Variants in SDK1 observed in about 807,000 individuals in gnomAD.
SDK1 encodes the protein sidekick cell adhesion molecule 1, also known as protein sidekick-1.
A neutral mutation model predicts 245.5 loss-of-function variants in SDK1; 157 were observed. The ratio of observed to expected loss-of-function variants is 0.64; its 90% confidence interval spans 0.56 to 0.73. SDK1 has a LOEUF of 0.73. Ranked by LOEUF, SDK1 falls within the 30% of genes least tolerant of loss-of-function variation. SDK1 has a pLI of 0.00. For synonymous variants in SDK1, 1,647 were observed against 1,278.5 expected (o/e 1.29, Z -6.15); for missense variants, 3,583 against 3,002.3 (o/e 1.19, Z -4.52).
At chr7:3,665,745 A>C (rs747937590) in intron 4 of SDK1, among the ~76,000 whole-genome samples, 12 of 152,188 alleles carry the variant, frequency 7.9e-5, no homozygotes, top group Non-Finnish European at 1.6e-4. Context: ...TGCCATCTGC[A>C]GTCTTTGTTT....
intron 17 of SDK1, among the ~76,000 whole-genome samples, chr7:4,033,098 C>G (rs2060839392): frequency 6.6e-6 from 1 of 152,126 alleles, no homozygotes; most frequent in Non-Finnish European, 1.5e-5. Flanking sequence ...AATGGTGTGT[C>G]TATTGGTGGA....
chr7:3,620,511 C>G (rs1468295618), intron 2 of SDK1, among the ~76,000 whole-genome samples: 3 of 152,088 alleles, frequency 2.0e-5, no homozygotes, highest in East Asian at 1.9e-4. Context: ...CCATGTTGAC[C>G]AGGCTTGTCT....
intron 1 of SDK1, among the ~76,000 whole-genome samples, chr7:3,390,445 C>A (rs1479237941): frequency 3.3e-5 from 5 of 152,274 alleles, no homozygotes; most frequent in African/African-American, 1.2e-4. Flanking sequence ...CACAATTGAT[C>A]TGGAAGCATC....
At chr7:3,645,941 C>T (rs1408640400) in intron 4 of SDK1, among the ~76,000 whole-genome samples, 1 of 152,030 alleles carries the variant, frequency 6.6e-6, no homozygotes, top group Non-Finnish European at 1.5e-5. Context: ...TCACTGCAAC[C>T]TCTGCCTCCC....
intron 43 of SDK1, 125 bp downstream of exon 43, chr7:4,242,038 A>C: frequency 8.6e-7 from 1 of 1,156,566 alleles, no homozygotes; most frequent in Non-Finnish European, 1.2e-6. Context: ...AACCCAACCC[A>C]CCGCCAAGTG....
chr7:3,921,830 G>T (rs1416979329), intron 5 of SDK1, among the ~76,000 whole-genome samples: 1 of 152,096 alleles, frequency 6.6e-6, no homozygotes, highest in Non-Finnish European at 1.5e-5. Flanking sequence ...GGTGGACATG[G>T]TGGTGCGTGC....
chr7:3,725,775 G>T (rs1778989864), intron 4 of SDK1, among the ~76,000 whole-genome samples: 4 of 152,186 alleles, frequency 2.6e-5, no homozygotes, highest in Admixed American at 2.6e-4. Context: ...GAGTTGTACT[G>T]TCGTCTTCTC....
At position 4,104,331 on chromosome 7, in the gene SDK1, G is replaced by C. The variant is rs1782769030; in HGVS notation, c.3325-6332G>C. Among the ~76,000 whole-genome samples, 3 of 152,304 alleles carry C rather than the reference G, an allele frequency of 2.0e-5. No individual in the cohort carries two copies. In the South Asian group the frequency reaches 6.2e-4, roughly 32 times the overall value. ...CCGCTTTGGCCTCCTACAGTGCTGG[G>C]ATTATAGGCGTGAGCCACTGAACCT... On this transcript the variant is annotated intron_variant, in intron 22 of 44. Coordinates refer to ENST00000404826, the MANE Select transcript of SDK1 (RefSeq NM_152744.4).
At chr7:4,125,987 C>A (rs1482805820) in intron 25 of SDK1, among the ~76,000 whole-genome samples, 1 of 152,234 alleles carries the variant, frequency 6.6e-6, no homozygotes, top group Non-Finnish European at 1.5e-5. Context: ...CTGGAGACCA[C>A]CTGATTCAAA....
rs567432125 is a variant in SDK1 at position 3,311,542 on chromosome 7, C to T, written c.298+9658C>T. 5.8e-4 allele frequency among the ~76,000 whole-genome samples: 89 copies of T among 152,192 alleles called. 1 individual carries two copies. Among genetic ancestry groups the T allele is most frequent in the African/African-American group, 2.0e-3 (84 of 41,506 alleles). On this transcript the variant is annotated intron_variant, in intron 1 of 44. Transcript: ENST00000404826. ...TAGTGACAAAAATGATCTTAAAATA[C>T]CTTGGGAATATTTTTTCCAAATTTG...
At chr7:4,221,174 C>T in intron 39 of SDK1, 65 bp from the exon 40 acceptor site, 1 of 1,590,680 alleles carries the variant, frequency 6.3e-7, no homozygotes, top group Non-Finnish European at 8.5e-7. Context: ...TGTGAAATCT[C>T]ACGGGGTGGG....
intron 5 of SDK1, among the ~76,000 whole-genome samples, chr7:3,886,099 A>G (rs1469120617): frequency 6.6e-6 from 1 of 152,244 alleles, no homozygotes; most frequent in African/African-American, 2.4e-5. Context: ...CCTGCAGCTC[A>G]GCCCCTCAGG....
At chr7:3,634,605 C>G (rs969591122) in intron 2 of SDK1, among the ~76,000 whole-genome samples, 4 of 152,138 alleles carry the variant, frequency 2.6e-5, no homozygotes, top group African/African-American at 9.7e-5. Context: ...ATCATACTTT[C>G]TTATAAAGAG....
chr7:3,951,735 T>G lies in SDK1; in HGVS notation c.965T>G (p.Val322Gly), dbSNP rs1225286620. Residue 322 changes from valine to glycine, a missense_variant, in exon 7 of 45, where the codon GTG becomes GGG. Coordinates refer to ENST00000404826, the MANE Select transcript of SDK1 (RefSeq NM_152744.4). The stretch of plus-strand genomic sequence containing the variant: ...AATGCCTTTCATTCCCACAGGCCTG[T>G]GGAGGACCTGAGTGTGACCTGGAAG... ...TLECIASARPVEDLSVTWKRN... is the reference protein window; with the variant it reads ...TLECIASARPGEDLSVTWKRN... 2 of 1,612,942 alleles carry G rather than the reference T, an allele frequency of 1.2e-6. No homozygotes were observed. Among genetic ancestry groups the G allele is most frequent in the Admixed American group, 3.3e-5 (2 of 60,002 alleles).
intron 44 of SDK1, among the ~76,000 whole-genome samples, chr7:4,247,032 G>C (rs1371845977): frequency 6.6e-6 from 1 of 152,204 alleles, no homozygotes; most frequent in African/African-American, 2.4e-5. Flanking sequence ...GTTGCCCCTT[G>C]GGTCCTGAAC....
In SDK1 at chr7:3,403,869, A is replaced by ATATT. The variant is rs1554266408; in HGVS notation, c.298+101985_298+101986insTATT. On this transcript the variant is annotated intron_variant, in intron 1 of 44. Coordinates refer to ENST00000404826, the MANE Select transcript of SDK1 (RefSeq NM_152744.4). ...TATATATATATATATATATATATAT[A>ATATT]ATATATATATTTATTTATATTATAT... is the stretch of plus-strand genomic sequence containing the variant. 1.8e-3 allele frequency among the ~76,000 whole-genome samples: 158 copies of ATATT among 88,892 alleles called. 2 individuals are homozygous for ATATT. Among genetic ancestry groups the ATATT allele is most frequent in the African/African-American group, 6.6e-3 (146 of 22,252 alleles). 58.3% of individuals were successfully genotyped at this position (88,892 alleles called of 152,430 possible). A position where few individuals can be genotyped will look rare whatever the true frequency, so the allele number is the denominator to read the frequency against.
At chr7:3,545,443 T>C (rs1779190241) in intron 1 of SDK1, among the ~76,000 whole-genome samples, 1 of 152,220 alleles carries the variant, frequency 6.6e-6, no homozygotes, top group Non-Finnish European at 1.5e-5. Flanking sequence ...ATCGTGGTTT[T>C]CCTCATAGCT....
intron 40 of SDK1, among the ~76,000 whole-genome samples, chr7:4,228,902 C>T (rs537356549): frequency 5.3e-5 from 8 of 152,216 alleles, no homozygotes; most frequent in Non-Finnish European, 8.8e-5. Flanking sequence ...CTGGCTCTTC[C>T]GGACATCCCA....
chr7:3,944,974 A>C (rs1780517131), intron 5 of SDK1, among the ~76,000 whole-genome samples: 2 of 152,168 alleles, frequency 1.3e-5, no homozygotes, highest in Non-Finnish European at 2.9e-5. Flanking sequence ...TAGTTTGTAT[A>C]AAGAACAGTC....
Sources: gnomAD v4.1 joint callset for allele counts (sites outside exome capture counted in the v4.1 genomes callset) on GRCh38, gnomAD v4.1.1 for gene constraint, MANE v1.5 for transcripts, NCBI Gene and HGNC (gene_info 2026-07-23, HGNC 2026-07-21) for gene names.